The following TTYH1 variants were observed in gnomAD, a reference collection of about 807,000 sequenced individuals.
The protein encoded by TTYH1 is tweety family member 1, also known as protein tweety homolog 1.
In TTYH1, 33 loss-of-function variants were observed where a neutral mutation model predicts 61.2. The ratio of observed to expected loss-of-function variants is 0.54; its 90% CI spans 0.41 to 0.72. TTYH1 has a LOEUF of 0.72. Ranked by LOEUF, TTYH1 falls within the 30% of genes least tolerant of loss-of-function variation. The probability of loss-of-function intolerance (pLI) is 0.00; values close to 1 mark genes in which losing one functional copy is unlikely to be tolerated. For missense variants in TTYH1, 538 were observed against 575.8 expected, an observed-to-expected ratio of 0.93 and a Z score of 0.67; for synonymous variants, 308 against 266.4, an observed-to-expected ratio of 1.16 and a Z score of -1.52.
At chr19:54,428,985 G>A (rs1269853001) in intron 5 of TTYH1, among the ~76,000 whole-genome samples, 1 of 152,160 alleles carries the variant, frequency 6.6e-6, no homozygotes, top group Non-Finnish European at 1.5e-5. Flanking sequence ...TGGACTTGGG[G>A]GAGCCTTCGG....
intron 5 of TTYH1, among the ~76,000 whole-genome samples, chr19:54,427,473 G>A (rs1427898400): frequency 2.8e-5 from 4 of 141,858 alleles, no homozygotes; most frequent in Middle Eastern, 4.8e-3. Flanking sequence ...GCGTGGTGGC[G>A]GGCGCCTATA....
At position 54,420,026 on chromosome 19, in the gene TTYH1, G is replaced by T. The variant is rs1004415062; in HGVS notation, c.305+720G>T. 6.6e-6 allele frequency among the ~76,000 whole-genome samples: 1 copy of T among 152,150 alleles called. No individual in the cohort carries two copies. Among genetic ancestry groups the T allele is most frequent in the Non-Finnish European group, 1.5e-5 (1 of 68,018 alleles). Reference sequence around the variant, plus strand: ...AAGAGGAAGGCTCAGGGACAGAGGGGAGGTCACCTTTCAAGGCCACGTGGC... The same window carrying T: ...AAGAGGAAGGCTCAGGGACAGAGGGTAGGTCACCTTTCAAGGCCACGTGGC... On this transcript the variant is annotated intron_variant, in intron 2 of 13. Coordinates refer to ENST00000376530, the MANE Select transcript of TTYH1 (RefSeq NM_020659.4). This position sits in a 1 kb window ranked among gnomAD's most constrained non-coding sequence, Gnocchi z 4.8.
Position 54,416,762 on chromosome 19 carries a change from C to T in TTYH1, c.126+1084C>T. ...CCTCGCCGCCCCCTCTCCCCACACA[C>T]GGGGACCGCCGTCCCCTCGCCCACA... is the stretch of plus-strand genomic sequence containing the variant. On this transcript the variant is annotated intron_variant, in intron 1 of 13. Coordinates refer to ENST00000376530, the MANE Select transcript of TTYH1 (RefSeq NM_020659.4). The surrounding 1 kb of genome is among the most constrained non-coding windows in gnomAD (Gnocchi z 7.0). 2 of 1,292,446 alleles carry T rather than the reference C, an allele frequency of 1.5e-6. No individual in the cohort carries two copies. Among genetic ancestry groups the T allele is most frequent in the Non-Finnish European group, 2.0e-6 (2 of 988,532 alleles). 80.1% of individuals were successfully genotyped at this position (1,292,446 alleles called of 1,614,324 possible).
rs1484082112 is a variant in TTYH1, at chr19:54,416,951, G to T, written c.126+1273G>T. ...CACGGGTTTGGGGGAGCCTCACTCC[G>T]CCCCCACGGTCGGGGGTCAGGGTCA... On this transcript the variant is annotated intron_variant, in intron 1 of 13. Transcript: ENST00000376530. The surrounding 1 kb of genome is among the most constrained non-coding windows in gnomAD (Gnocchi z 7.0). 5 of 1,247,596 alleles carry T rather than the reference G, an allele frequency of 4.0e-6. No individual in the cohort carries two copies. Among genetic ancestry groups the T allele is most frequent in the Non-Finnish European group, 5.2e-6 (5 of 968,122 alleles). The allele number at this position is 1,247,596 out of a possible 1,614,324, so 77.3% of individuals were successfully genotyped here. A position where few individuals can be genotyped will look rare whatever the true frequency, so the allele number is the denominator to read the frequency against.
At position 54,426,747 on chromosome 19, in the gene TTYH1, A is replaced by C. The variant is rs769823985; in HGVS notation, c.713A>C (p.Gln238Pro). Residue 238 changes from glutamine (Q) to proline (P), a missense_variant, in exon 5 of 14, where the codon CAG becomes CCG. Gln to Pro is a moderately conservative substitution (Grantham distance 76). Coordinates refer to ENST00000376530, the MANE Select transcript of TTYH1 (RefSeq NM_020659.4). The stretch of plus-strand genomic sequence containing the variant: ...TTCACCCTCCTGGGCCTGGCGAAGC[A>C]GAGCAAGTGGCTGGTGATCGTGTAA... ...CLFTLLGLAK[Q>P]SKWLVIVMTV... 3.7e-6 allele frequency: 6 copies of C among 1,614,048 alleles called. No individual in the cohort carries two copies. In the South Asian group the frequency reaches 6.6e-5, roughly 18 times the overall value.
chr19:54,427,743 G>T (rs2083357331), intron 5 of TTYH1, among the ~76,000 whole-genome samples: 1 of 152,122 alleles, frequency 6.6e-6, no homozygotes, highest in African/African-American at 2.4e-5. Context: ...ACCTGACTAA[G>T]AGCGCAGAGG....
chr19:54,425,619 G>A (rs760769787), intron 4 of TTYH1, among the ~76,000 whole-genome samples: 9 of 152,110 alleles, frequency 5.9e-5, no homozygotes, highest in Non-Finnish European at 1.2e-4. Context: ...AGTCGGCCTC[G>A]GACATCCAGC....
chr19:54,426,241 G>A (rs778468181), intron 4 of TTYH1, among the ~76,000 whole-genome samples: 8 of 152,180 alleles, frequency 5.3e-5, no homozygotes, highest in Non-Finnish European at 8.8e-5. Flanking sequence ...GTTAAGCGGA[G>A]GGGCTGGGGT....
chr19:54,417,706 C>T (rs2083116806), intron 1 of TTYH1, among the ~76,000 whole-genome samples: 1 of 151,512 alleles, frequency 6.6e-6, no homozygotes, highest in Admixed American at 6.6e-5. Flanking sequence ...CACGTACATT[C>T]CATTCACATC....
chr19:54,421,809 C>A lies in TTYH1; in HGVS notation c.418-381C>A, dbSNP rs1470777279. 6.6e-6 allele frequency among the ~76,000 whole-genome samples: 1 copy of A among 152,128 alleles called. No individual in the cohort carries two copies. Among genetic ancestry groups the A allele is most frequent in the Non-Finnish European group, 1.5e-5 (1 of 68,016 alleles). ...TCTGGGCCCTGGGGCTGAGGCCTGG[C>A]CCCACTTCATGCCTTAGATTCCATG... On this transcript the variant is annotated intron_variant, in intron 3 of 13. Coordinates refer to ENST00000376530, the MANE Select transcript of TTYH1 (RefSeq NM_020659.4). The surrounding 1 kb of genome is among the most constrained non-coding windows in gnomAD (Gnocchi z 4.8).
intron 12 of TTYH1, 70 bp downstream of exon 12, chr19:54,435,943 G>A (rs923446007): frequency 2.5e-6 from 4 of 1,598,232 alleles, no homozygotes; most frequent in Non-Finnish European, 3.4e-6. Flanking sequence ...GGGAGGAGGA[G>A]CTGAGGGCCT....
rs1286819013 is a variant in TTYH1, at chr19:54,421,147, G to A, written c.306-130G>A. The A allele has an allele frequency of 6.1e-6, 4 of 660,182 alleles. No homozygotes were observed. In the Admixed American group the frequency reaches 8.7e-5, roughly 14 times the overall value. 40.9% of individuals were successfully genotyped at this position (660,182 alleles called of 1,614,324 possible). Reference sequence around the variant, plus strand: ...GAAGTCGCCCTTTTCCCACGGGCTGGCCCAATGAGGTGGGGCTGAGATGGG... The same window carrying A: ...GAAGTCGCCCTTTTCCCACGGGCTGACCCAATGAGGTGGGGCTGAGATGGG... On this transcript the variant is annotated intron_variant, in intron 2 of 13. Coordinates refer to ENST00000376530, the MANE Select transcript of TTYH1 (RefSeq NM_020659.4). This position sits in a 1 kb window ranked among gnomAD's most constrained non-coding sequence, Gnocchi z 4.8.
intron 10 of TTYH1, 96 bp downstream of exon 10, chr19:54,431,287 C>G (rs770037586): frequency 1.2e-6 from 1 of 802,018 alleles, no homozygotes; most frequent in Admixed American, 2.0e-5. Context: ...CCTGCCATTG[C>G]GCCTGAGGAT....
chr19:54,433,995 T>C (rs1045368303), intron 10 of TTYH1, among the ~76,000 whole-genome samples: 31 of 152,098 alleles, frequency 2.0e-4, no homozygotes, highest in Non-Finnish European at 4.4e-4. Flanking sequence ...GACAGGTCCG[T>C]ACCCCAACCC....
intron 7 of TTYH1, among the ~76,000 whole-genome samples, chr19:54,430,221 A>T (rs530494671): frequency 2.0e-5 from 3 of 152,302 alleles, no homozygotes; most frequent in African/African-American, 7.2e-5. Context: ...GGGCAGGATA[A>T]AGATAATGGT....
At chr19:54,423,782 C>T (rs867795162) in intron 4 of TTYH1, among the ~76,000 whole-genome samples, 22 of 152,264 alleles carry the variant, frequency 1.4e-4, no homozygotes, top group East Asian at 9.6e-4. Flanking sequence ...ATCCCTGCCA[C>T]GTGGCTGCGT....
In TTYH1 at chr19:54,416,695, G is replaced by T; in HGVS notation, c.126+1017G>T. ...GAGTGCTGTGTTCTGAGCTATTTGG[G>T]TCACGGCTGGCACAGCCCTGAGCAG... On this transcript the variant is annotated intron_variant, in intron 1 of 13. Transcript: ENST00000376530. The surrounding 1 kb of genome is among the most constrained non-coding windows in gnomAD (Gnocchi z 7.0). The T allele has an allele frequency of 8.0e-7, 1 of 1,248,694 alleles. No individual in the cohort carries two copies. 77.4% of individuals were successfully genotyped at this position (1,248,694 alleles called of 1,614,324 possible).
chr19:54,419,075 G>A lies in TTYH1; in HGVS notation c.127-53G>A. ...CCCAGCCACGCAGGAAGGGGGATCT[G>A]AGTGTGGAACACACGGGTGCCCTCG... On this transcript the variant is annotated intron_variant, in intron 1 of 13. Coordinates refer to ENST00000376530, the MANE Select transcript of TTYH1 (RefSeq NM_020659.4). The surrounding 1 kb of genome is among the most constrained non-coding windows in gnomAD (Gnocchi z 6.1). 1 of 1,543,582 alleles carries A rather than the reference G, an allele frequency of 6.5e-7. No homozygotes were observed. The highest frequency in any genetic ancestry group is 8.8e-7 in the Non-Finnish European group (1 of 1,139,456).
chr19:54,432,208 C>T lies in TTYH1; in HGVS notation c.1125+1017C>T, dbSNP rs146504837. ...TGCACTCCAGCCTGGGCAACAAGAG[C>T]GAAACTCTGTCACAAACAAACAAAC... On this transcript the variant is annotated intron_variant, in intron 10 of 13. Coordinates refer to ENST00000376530, the MANE Select transcript of TTYH1 (RefSeq NM_020659.4). 447 of 152,592 alleles carry T rather than the reference C, an allele frequency of 2.9e-3. 3 individuals carry two copies. Among genetic ancestry groups the T allele is most frequent in the Admixed American group, 6.3e-3 (96 of 15,268 alleles). 9.5% of individuals were successfully genotyped at this position (152,592 alleles called of 1,614,324 possible).
Sources: allele counts gnomAD v4.1 joint callset (sites outside exome capture counted in the v4.1 genomes callset), GRCh38; gene constraint gnomAD v4.1.1; non-coding constraint Gnocchi (gnomAD v3.1); transcripts MANE v1.5; gene names NCBI Gene and HGNC (gene_info 2026-07-23, HGNC 2026-07-21).